The following ATP2C1 variants were observed in gnomAD, a reference collection of about 807,000 sequenced individuals.
ATP2C1 encodes ATPase secretory pathway Ca2+ transporting 1, also known as calcium-transporting ATPase type 2C member 1.
A neutral mutation model predicts 120.5 loss-of-function variants in ATP2C1; 31 were observed. The observed-to-expected ratio is 0.26, with a 90% confidence interval of 0.19 to 0.35. ATP2C1 has a LOEUF of 0.35. Ranked by LOEUF, ATP2C1 falls within the 10% of genes least tolerant of loss-of-function variation. The probability of loss-of-function intolerance (pLI) is 1.00; values close to 1 mark genes in which losing one functional copy is unlikely to be tolerated. For missense variants in ATP2C1, 731 were observed against 1,107.5 expected, an observed-to-expected ratio of 0.66 and a Z score of 4.83; for synonymous variants, 351 against 358.7, an observed-to-expected ratio of 0.98 and a Z score of 0.24.
At chr3:130,940,377 T>G (rs1033275988) in intron 6 of ATP2C1, among the ~76,000 whole-genome samples, 22 of 152,310 alleles carry the variant, frequency 1.4e-4, no homozygotes, top group African/African-American at 5.3e-4. Context: ...AGTTTTCATT[T>G]TTATTCTAAA....
At chr3:130,978,224 A>T (rs2061610659) in intron 18 of ATP2C1, among the ~76,000 whole-genome samples, 1 of 152,200 alleles carries the variant, frequency 6.6e-6, no homozygotes, top group Non-Finnish European at 1.5e-5. Context: ...TACATAAATA[A>T]TTAGGTATAT....
chr3:130,971,178 C>T (rs994028013), intron 17 of ATP2C1, among the ~76,000 whole-genome samples: 10 of 152,186 alleles, frequency 6.6e-5, no homozygotes, highest in Non-Finnish European at 1.0e-4. Flanking sequence ...TAAACCATCA[C>T]ACGGTACCTC....
intron 11 of ATP2C1, among the ~76,000 whole-genome samples, chr3:130,957,982 A>G (rs545766068): frequency 3.9e-5 from 6 of 152,300 alleles, no homozygotes; most frequent in African/African-American, 7.2e-5. Context: ...ACTGGTGTGT[A>G]TGCCCTCATA....
At chr3:130,943,849 T>C (rs2060026152) in intron 8 of ATP2C1, among the ~76,000 whole-genome samples, 1 of 152,236 alleles carries the variant, frequency 6.6e-6, no homozygotes, top group Non-Finnish European at 1.5e-5. Context: ...ATGTACTGAC[T>C]TAGGATATAG....
intron 2 of ATP2C1, among the ~76,000 whole-genome samples, chr3:130,913,756 G>A (rs1328381721): frequency 6.6e-6 from 1 of 152,004 alleles, no homozygotes; most frequent in Non-Finnish European, 1.5e-5. Context: ...CCCCTAAACT[G>A]GATTTACTTT....
intron 2 of ATP2C1, among the ~76,000 whole-genome samples, chr3:130,907,953 A>T (rs2108072464): frequency 6.6e-6 from 1 of 152,208 alleles, no homozygotes; most frequent in East Asian, 1.9e-4. Flanking sequence ...GGTAACAAGC[A>T]TTTCACAGAA....
Position 131,003,007 on chromosome 3 carries a change from G to C in ATP2C1, c.*1657G>C, listed in dbSNP as rs542594338. The C allele has an allele frequency of 3.0e-6, 3 of 985,442 alleles. No homozygotes were observed. In the African/African-American group the frequency reaches 5.2e-5, roughly 17 times the overall value. The allele number at this position is 985,442 out of a possible 1,614,324, so 61.0% of individuals were successfully genotyped here. A position where few individuals can be genotyped will look rare whatever the true frequency, so the allele number is the denominator to read the frequency against. ...AATTTTGTAATGATTTTTATTCTCT[G>C]TTACAAAGACTTGAAATACGTATTA... On this transcript the variant is annotated 3_prime_UTR_variant, in exon 28 of 28. Coordinates refer to ENST00000510168, the MANE Select transcript of ATP2C1 (RefSeq NM_001378687.1).
chr3:130,924,338 G>A (rs916608831), intron 2 of ATP2C1, among the ~76,000 whole-genome samples: 4 of 152,102 alleles, frequency 2.6e-5, no homozygotes, highest in African/African-American at 7.2e-5. Context: ...ATGAAGCTTA[G>A]TTTTGCTGGA....
chr3:130,854,256 T>A (rs1334805647), intron 1 of ATP2C1: 1 of 152,222 alleles, frequency 6.6e-6, no homozygotes, highest in Non-Finnish European at 1.5e-5. Flanking sequence ...ATTAATGAGA[T>A]GAAGATGCTG....
upstream of ATP2C1, chr3:130,893,967 C>T (rs547462138): frequency 1.2e-5 from 12 of 985,654 alleles, no homozygotes; most frequent in South Asian, 5.2e-4. Context: ...CTGCGCGCAC[C>T]TCTCTCAGCG....
intron 1 of ATP2C1, among the ~76,000 whole-genome samples, chr3:130,882,461 A>G (rs1364162132): frequency 6.6e-6 from 1 of 152,192 alleles, no homozygotes; most frequent in African/African-American, 2.4e-5. Context: ...TTGGCATCCC[A>G]AAGTGCTGGG....
At chr3:130,909,982 G>A (rs1201017825) in intron 2 of ATP2C1, among the ~76,000 whole-genome samples, 3 of 151,972 alleles carry the variant, frequency 2.0e-5, no homozygotes, top group South Asian at 2.1e-4. Flanking sequence ...CTGCGATTAC[G>A]GGCATGAGCC....
chr3:130,997,668 G>A lies in ATP2C1; in HGVS notation c.2306G>A (p.Ser769Asn). 6.2e-7 allele frequency: 1 copy of A among 1,613,710 alleles called. No homozygotes were observed. The highest frequency in any genetic ancestry group is 1.7e-4 in the Middle Eastern group (1 of 6,056). Residue 769 changes from serine to asparagine, a missense_variant, in exon 25 of 28, where the codon AGC becomes AAC. Around this residue, in one of 3 missense-constraint regions of ATP2C1, gnomAD observed 141 missense variants for 201.6 expected, o/e 0.70. Transcript: ENST00000510168. The part of the protein sequence containing the change: ...IRKPPRNWKD[S>N]ILTKNLILKI... ...AAACCTCCTCGCAACTGGAAAGACA[G>A]CATTTTGACTAAAAACTTGATACTT...
chr3:130,996,177 G>A, intron 23 of ATP2C1, 66 bp downstream of exon 23: 1 of 1,157,926 alleles, frequency 8.6e-7, no homozygotes, highest in Non-Finnish European at 1.3e-6. Context: ...TAGAACTTAA[G>A]CAGAATGCCT....
intron 2 of ATP2C1, among the ~76,000 whole-genome samples, chr3:130,929,178 A>G (rs2059348652): frequency 6.6e-6 from 1 of 152,176 alleles, no homozygotes; most frequent in Admixed American, 6.5e-5. Context: ...ATATCTCCTC[A>G]TTAAAAGTTG....
chr3:130,901,426 G>A (rs912600252), intron 2 of ATP2C1, among the ~76,000 whole-genome samples: 3 of 152,102 alleles, frequency 2.0e-5, no homozygotes, highest in African/African-American at 7.2e-5. Context: ...TAAAGGGAGT[G>A]TGGTTTGTAT....
At chr3:130,971,017 A>G (rs2061290730) in intron 17 of ATP2C1, among the ~76,000 whole-genome samples, 1 of 152,240 alleles carries the variant, frequency 6.6e-6, no homozygotes, top group South Asian at 2.1e-4. Flanking sequence ...CTATGAAAAT[A>G]CAATACCTTT....
chr3:130,855,823 T>TA (rs2067821940), intron 1 of ATP2C1: 2 of 152,206 alleles, frequency 1.3e-5, no homozygotes, highest in South Asian at 4.1e-4. Flanking sequence ...TCCCTCAACT[T>TA]ACACTGCCCT....
intron 26 of ATP2C1, among the ~76,000 whole-genome samples, chr3:130,998,691 G>C (rs1347836879): frequency 6.6e-6 from 1 of 152,160 alleles, no homozygotes; most frequent in African/African-American, 2.4e-5. Flanking sequence ...TTTGAGCATA[G>C]AACAAACCTC....
Sources: gnomAD v4.1 joint callset for allele counts (sites outside exome capture counted in the v4.1 genomes callset) on GRCh38, gnomAD v4.1.1 for gene constraint, gnomAD v4.1.1 regional missense constraint, MANE v1.5 for transcripts, NCBI Gene and HGNC (gene_info 2026-07-23, HGNC 2026-07-21) for gene names.